CDKAL1: variants seen among roughly 807,000 people sequenced by gnomAD.
CDKAL1 encodes threonylcarbamoyladenosine tRNA methylthiotransferase.
In CDKAL1, 32 loss-of-function variants were observed where a neutral mutation model predicts 68.2. The ratio of observed to expected loss-of-function variants is 0.47; its 90% CI spans 0.35 to 0.63. CDKAL1 has a LOEUF of 0.63. Among genes scored for constraint, CDKAL1 ranks in the 30% least tolerant of loss-of-function variants. The pLI, the probability that CDKAL1 is intolerant of heterozygous loss-of-function variation, is 0.00. For synonymous variants in CDKAL1, 234 were observed against 244.3 expected (o/e 0.96, Z 0.39); for missense variants, 606 against 696.7 (o/e 0.87, Z 1.47).
rs576886188 is a variant in CDKAL1, at chr6:21,054,756, T to C, written c.1056-10292T>C. Among the ~76,000 whole-genome samples, 19 of 152,274 alleles carry C rather than the reference T, an allele frequency of 1.2e-4. No homozygotes were observed. In the East Asian group the frequency reaches 3.7e-3, roughly 29 times the overall value. On this transcript the variant is annotated intron_variant, in intron 11 of 15. Coordinates refer to ENST00000274695, the MANE Select transcript of CDKAL1 (RefSeq NM_017774.3). ...AATGGAATTGGATTCTTGATTTCATTTTCAGGTTGTTCATTACTAGTATAA... is the reference window on the plus strand; with the variant it reads ...AATGGAATTGGATTCTTGATTTCATCTTCAGGTTGTTCATTACTAGTATAA...
At chr6:20,924,186 T>C (rs760314377) in intron 9 of CDKAL1, among the ~76,000 whole-genome samples, 8 of 149,420 alleles carry the variant, frequency 5.4e-5, no homozygotes, top group Non-Finnish European at 1.0e-4. Context: ...TTATTGCTGA[T>C]ATGAAGAAAG....
At chr6:20,902,544 G>A (rs971931803) in intron 9 of CDKAL1, among the ~76,000 whole-genome samples, 2 of 152,174 alleles carry the variant, frequency 1.3e-5, no homozygotes, top group Non-Finnish European at 2.9e-5. Flanking sequence ...TGAAATGCCT[G>A]TGAGATATCA....
chr6:21,013,297 T>TTTTC (rs1054543047), intron 11 of CDKAL1, among the ~76,000 whole-genome samples: 2 of 152,166 alleles, frequency 1.3e-5, no homozygotes, highest in Non-Finnish European at 2.9e-5. Flanking sequence ...TCTCTCTCTC[T>TTTTC]TTTCTTTCTT....
At position 20,835,692 on chromosome 6, in the gene CDKAL1, C is replaced by T. The variant is rs898229388; in HGVS notation, c.639-10383C>T. Among the ~76,000 whole-genome samples, 17 of 152,150 alleles carry T rather than the reference C, an allele frequency of 1.1e-4. No individual in the cohort carries two copies. The East Asian group carries it at 1.6e-3, about 14-fold the overall frequency. Reference sequence around the variant, plus strand: ...CTTCTCCAGTAGCTGGGATTACAGGCGTGCGCCACCAGGCCCAGCTAATTT... The same window carrying T: ...CTTCTCCAGTAGCTGGGATTACAGGTGTGCGCCACCAGGCCCAGCTAATTT... On this transcript the variant is annotated intron_variant, in intron 8 of 15. Coordinates refer to ENST00000274695, the MANE Select transcript of CDKAL1 (RefSeq NM_017774.3).
intron 11 of CDKAL1, among the ~76,000 whole-genome samples, chr6:21,013,424 G>A (rs1768129699): frequency 6.6e-6 from 1 of 151,308 alleles, no homozygotes. Flanking sequence ...ATATTTATGG[G>A]TGCATGAGAT....
chr6:21,113,601 C>G (rs1490969853), intron 13 of CDKAL1, among the ~76,000 whole-genome samples: 1 of 151,968 alleles, frequency 6.6e-6, no homozygotes, highest in African/African-American at 2.4e-5. Flanking sequence ...CTTCCGGGTT[C>G]AAGCAATTCT....
chr6:20,930,250 C>T (rs911569162), intron 9 of CDKAL1, among the ~76,000 whole-genome samples: 3 of 62,438 alleles, frequency 4.8e-5, no homozygotes, highest in East Asian at 6.1e-4. Context: ...ACACCATAAA[C>T]GTGAATTAAA....
At chr6:20,709,671 G>A (rs1218672452) in intron 5 of CDKAL1, among the ~76,000 whole-genome samples, 1 of 152,082 alleles carries the variant, frequency 6.6e-6, no homozygotes, top group East Asian at 1.9e-4. Context: ...GTACAAGAAG[G>A]CTTCAGAGTG....
At chr6:20,989,579 G>T (rs1429609910) in intron 10 of CDKAL1, among the ~76,000 whole-genome samples, 1 of 152,128 alleles carries the variant, frequency 6.6e-6, no homozygotes, top group Non-Finnish European at 1.5e-5. Context: ...AAAACTCTCT[G>T]AGCTGACGGT....
chr6:20,803,251 C>G (rs1004843379), intron 8 of CDKAL1, among the ~76,000 whole-genome samples: 2 of 152,188 alleles, frequency 1.3e-5, no homozygotes, highest in Non-Finnish European at 2.9e-5. Flanking sequence ...ATGGCTTCTT[C>G]CAGCCTTTTC....
intron 11 of CDKAL1, among the ~76,000 whole-genome samples, chr6:21,018,148 G>A (rs1768443542): frequency 6.6e-6 from 1 of 152,172 alleles, no homozygotes; most frequent in African/African-American, 2.4e-5. Context: ...AGAAAGGGCA[G>A]TGTGAATTTA....
intron 11 of CDKAL1, among the ~76,000 whole-genome samples, chr6:21,054,178 T>TG (rs1431161767): frequency 6.6e-6 from 1 of 152,190 alleles, no homozygotes; most frequent in Non-Finnish European, 1.5e-5. Context: ...TTGCATATGG[T>TG]GTCTGATTGT....
chr6:20,757,001 T>A (rs937483015), intron 6 of CDKAL1, among the ~76,000 whole-genome samples: 1 of 150,942 alleles, frequency 6.6e-6, no homozygotes, highest in Admixed American at 6.7e-5. Flanking sequence ...TGGTGTGATC[T>A]CAGCTCACTA....
At chr6:20,564,565 G>T (rs1053098012) in intron 4 of CDKAL1, among the ~76,000 whole-genome samples, 1 of 152,062 alleles carries the variant, frequency 6.6e-6, no homozygotes, top group African/African-American at 2.4e-5. Context: ...TTTTGAAATG[G>T]TTTGGAAATT....
intron 13 of CDKAL1, among the ~76,000 whole-genome samples, chr6:21,154,176 G>A (rs559297937): frequency 5.3e-5 from 8 of 150,492 alleles, no homozygotes; most frequent in East Asian, 4.2e-4. Context: ...AATGTTTTGC[G>A]TGTAAGTACT....
At chr6:20,722,796 A>G (rs1375950478) in intron 5 of CDKAL1, among the ~76,000 whole-genome samples, 2 of 151,888 alleles carry the variant, frequency 1.3e-5, no homozygotes, top group African/African-American at 4.8e-5. Context: ...CCCTGCCCCC[A>G]TCCTGTGCCT....
At chr6:20,598,809 TTTG>T (rs1423970477) in intron 4 of CDKAL1, among the ~76,000 whole-genome samples, 69 of 152,230 alleles carry the variant, frequency 4.5e-4, no homozygotes, top group African/African-American at 1.5e-3. Context: ...CGTTTTTGCT[TTTG>T]TTCTATGGGG....
At chr6:20,758,704 C>A in intron 7 of CDKAL1, 61 bp downstream of exon 7, 3 of 1,255,096 alleles carry the variant, frequency 2.4e-6, no homozygotes, top group Non-Finnish European at 2.3e-6. Flanking sequence ...AGTAGAAACA[C>A]CACTCAGGTA....
intron 11 of CDKAL1, among the ~76,000 whole-genome samples, chr6:21,000,855 T>C (rs1767391353): frequency 6.6e-6 from 1 of 152,368 alleles, no homozygotes; most frequent in South Asian, 2.1e-4. Context: ...GCTTAAAGAA[T>C]TGTGATTTAC....
Sources: gnomAD v4.1 joint callset for allele counts (sites outside exome capture counted in the v4.1 genomes callset) on GRCh38, gnomAD v4.1.1 for gene constraint, MANE v1.5 for transcripts, NCBI Gene and HGNC (gene_info 2026-07-23, HGNC 2026-07-21) for gene names.